ARID1B: variants seen among roughly 807,000 people sequenced by gnomAD.
ARID1B encodes AT-rich interaction domain 1B.
ARID1B carries 30 observed loss-of-function variants against 212.3 expected under a neutral mutation model. The observed-to-expected ratio is 0.14, with a 90% confidence interval of 0.11 to 0.19. The LOEUF is 0.19. Ranked by LOEUF, ARID1B falls within the 10% of genes least tolerant of loss-of-function variation. ARID1B has a pLI of 1.00. For synonymous variants in ARID1B, 1,402 were observed against 1,301.7 expected, an observed-to-expected ratio of 1.08 and a Z score of -1.66; for missense variants, 2,891 against 3,204.0, an observed-to-expected ratio of 0.90 and a Z score of 2.36.
At chr6:156,838,056 A>G (rs925331460) in intron 2 of ARID1B, among the ~76,000 whole-genome samples, 1 of 152,216 alleles carries the variant, frequency 6.6e-6, no homozygotes, top group South Asian at 2.1e-4. Flanking sequence ...TAGAAAGCAG[A>G]CCATATTCCA....
chr6:156,937,443 G>T (rs1292837464), intron 4 of ARID1B: 1 of 152,176 alleles, frequency 6.6e-6, no homozygotes, highest in Non-Finnish European at 1.5e-5. Context: ...TGGTAAATTT[G>T]TCATAAATGG....
chr6:156,818,246 T>C (rs1782114796), intron 1 of ARID1B, among the ~76,000 whole-genome samples: 1 of 152,004 alleles, frequency 6.6e-6, no homozygotes, highest in Admixed American at 6.6e-5. Flanking sequence ...AGATATCTAA[T>C]AGGGTCATAT....
chr6:157,091,466 A>C (rs1785279033), intron 5 of ARID1B, among the ~76,000 whole-genome samples: 1 of 152,156 alleles, frequency 6.6e-6, no homozygotes, highest in African/African-American at 2.4e-5. Flanking sequence ...TCAAAAAACT[A>C]ATTTTCTTGC....
chr6:156,922,899 A>G (rs1012017653), intron 3 of ARID1B, among the ~76,000 whole-genome samples: 1 of 152,124 alleles, frequency 6.6e-6, no homozygotes, highest in African/African-American at 2.4e-5. Flanking sequence ...TGATGTTGCT[A>G]GTTTCTGAAG....
At chr6:157,121,444 T>G (rs1336570755) in intron 6 of ARID1B, among the ~76,000 whole-genome samples, 1 of 152,192 alleles carries the variant, frequency 6.6e-6, no homozygotes, top group African/African-American at 2.4e-5. Flanking sequence ...GGGAAGAATT[T>G]TTCTGTATTC....
At chr6:156,966,760 G>C (rs1363293000) in intron 4 of ARID1B, among the ~76,000 whole-genome samples, 1 of 152,054 alleles carries the variant, frequency 6.6e-6, no homozygotes, top group Non-Finnish European at 1.5e-5. Flanking sequence ...GAGTGCAGTG[G>C]CGCGATCTCG....
intron 3 of ARID1B, among the ~76,000 whole-genome samples, chr6:156,930,714 T>TA (rs201547903): frequency 1.4e-3 from 217 of 150,652 alleles, no homozygotes; most frequent in Non-Finnish European, 2.4e-3. Flanking sequence ...TGTGTGGCCA[T>TA]AAAAAAAAAG....
chr6:157,167,135 C>T lies in ARID1B; in HGVS notation c.3185C>T (p.Thr1062Met), dbSNP rs1247824233. ...AACAACAGCTCTAGCCTGATGAACA[C>T]GCAGGCGCCGCCCTACAGCATGGCG... ...PMNNSSSLMN[T>M]QAPPYSMAPA... Residue 1062 changes from threonine to methionine, a missense_variant, in exon 9 of 20, where the codon ACG (threonine) becomes ATG (methionine). Thr to Met is a moderately conservative substitution (Grantham distance 81). Coordinates refer to ENST00000636930, the MANE Select transcript of ARID1B (RefSeq NM_001374828.1). 6.2e-6 allele frequency: 10 copies of T among 1,611,240 alleles called. No individual in the cohort carries two copies. Among genetic ancestry groups the T allele is most frequent in the Non-Finnish European group, 5.1e-6 (6 of 1,179,996 alleles).
At chr6:157,158,704 A>G (rs770511782) in intron 8 of ARID1B, among the ~76,000 whole-genome samples, 8 of 152,212 alleles carry the variant, frequency 5.3e-5, no homozygotes, top group Non-Finnish European at 1.0e-4. Context: ...TGGGATTAGC[A>G]GTTCACTCCC....
At chr6:156,907,239 T>C (rs1037419002) in intron 3 of ARID1B, among the ~76,000 whole-genome samples, 3 of 152,186 alleles carry the variant, frequency 2.0e-5, no homozygotes, top group African/African-American at 7.2e-5. Flanking sequence ...TTTCCCTTTC[T>C]TTTTGTAGCT....
intron 12 of ARID1B, 145 bp downstream of exon 12, chr6:157,181,323 C>T: frequency 9.7e-7 from 1 of 1,031,714 alleles, no homozygotes; most frequent in South Asian, 1.7e-5. Flanking sequence ...CAACCCACGT[C>T]TGTGTGCTGT....
At chr6:157,055,890 C>A (rs1782926543) in intron 4 of ARID1B, among the ~76,000 whole-genome samples, 2 of 152,124 alleles carry the variant, frequency 1.3e-5, no homozygotes. Context: ...AACCCAGCAC[C>A]CTTCTCAGTT....
chr6:157,207,879 T>G lies in ARID1B; in HGVS notation c.7107T>G (p.Ile2369Met). 2.0e-6 allele frequency: 3 copies of G among 1,496,936 alleles called. No individual in the cohort carries two copies. The South Asian group carries it at 4.3e-5, about 21-fold the overall frequency. 92.7% of individuals were successfully genotyped at this position (1,496,936 alleles called of 1,614,324 possible). A position where few individuals can be genotyped will look rare whatever the true frequency, so the allele number is the denominator to read the frequency against. ...TCATCTGTGATGTACTGTTTCAGATTGGGCAGTTATGACATAAGTGAGAAG... is the reference window on the plus strand; with the variant it reads ...TCATCTGTGATGTACTGTTTCAGATGGGGCAGTTATGACATAAGTGAGAAG... ...ASVICDVLFQ[I>M]GQL Residue 2369 changes from isoleucine (I) to methionine (M), a missense_variant, in exon 20 of 20, where the codon ATT becomes ATG. Ile to Met is a conservative substitution (Grantham distance 10). Around this residue, in one of 7 missense-constraint regions of ARID1B, gnomAD observed 187 missense variants for 306.5 expected, o/e 0.61. Transcript: ENST00000636930. The surrounding 1 kb of genome is among the most constrained non-coding windows in gnomAD (Gnocchi z 8.5).
intron 2 of ARID1B, among the ~76,000 whole-genome samples, chr6:156,849,458 C>G (rs757212782): frequency 6.6e-6 from 1 of 152,184 alleles, no homozygotes; most frequent in Non-Finnish European, 1.5e-5. Context: ...CCACAGTCAG[C>G]CAACATGTGG....
At chr6:156,910,896 T>G (rs968010178) in intron 3 of ARID1B, among the ~76,000 whole-genome samples, 1 of 152,190 alleles carries the variant, frequency 6.6e-6, no homozygotes, top group South Asian at 2.1e-4. Context: ...TTAGGTAATA[T>G]GAGCTCTCCC....
At chr6:156,802,817 C>T (rs1317439340) in intron 1 of ARID1B, among the ~76,000 whole-genome samples, 1 of 152,210 alleles carries the variant, frequency 6.6e-6, no homozygotes, top group Non-Finnish European at 1.5e-5. Flanking sequence ...GTATTTTTAG[C>T]ATCTCATAAG....
intron 2 of ARID1B, among the ~76,000 whole-genome samples, chr6:156,835,539 A>G (rs891484904): frequency 3.3e-5 from 5 of 152,236 alleles, no homozygotes; most frequent in African/African-American, 1.2e-4. Flanking sequence ...ATATTGATAC[A>G]TTTATTTTTT....
intron 8 of ARID1B, among the ~76,000 whole-genome samples, chr6:157,159,104 C>T (rs1233823102): frequency 6.6e-6 from 1 of 152,210 alleles, no homozygotes; most frequent in Non-Finnish European, 1.5e-5. Flanking sequence ...CTCTAATCCA[C>T]ACTGTGCGCT....
At chr6:156,878,264 A>C (rs925339853) in intron 2 of ARID1B, among the ~76,000 whole-genome samples, 3 of 152,086 alleles carry the variant, frequency 2.0e-5, no homozygotes, top group Non-Finnish European at 4.4e-5. Context: ...TAAGCGATGA[A>C]GACCGAGTCT....
Sources: allele counts gnomAD v4.1 joint callset (sites outside exome capture counted in the v4.1 genomes callset), GRCh38; gene constraint gnomAD v4.1.1; regional missense constraint gnomAD v4.1.1; non-coding constraint Gnocchi (gnomAD v3.1); transcripts MANE v1.5; gene names NCBI Gene and HGNC (gene_info 2026-07-23, HGNC 2026-07-21).